UBA1: variants seen among roughly 807,000 people sequenced by gnomAD.
UBA1 encodes ubiquitin-like modifier-activating enzyme 1.
Under a neutral mutation model 84.7 loss-of-function variants are expected in UBA1, and 4 were observed. That is an observed-to-expected ratio of 0.05 (90% CI 0.02 to 0.11). The LOEUF (loss-of-function observed/expected upper bound fraction) is 0.11, where lower values mean the gene tolerates loss of function less well. Among genes scored for constraint, UBA1 ranks in the 10% least tolerant of loss-of-function variants. The pLI, the probability that UBA1 is intolerant of heterozygous loss-of-function variation, is 1.00. For synonymous variants in UBA1, 364 were observed against 362.6 expected, an observed-to-expected ratio of 1.00 and a Z score of -0.04; for missense variants, 513 against 902.8, an observed-to-expected ratio of 0.57 and a Z score of 5.53.
rs1556788510 is a variant in UBA1, at chrX:47,202,393, T to C, written c.945T>C (p.Phe315=). The C allele has an allele frequency of 1.7e-6, 2 of 1,211,201 alleles. No homozygotes were observed. Among genetic ancestry groups the C allele is most frequent in the East Asian group, 3.0e-5 (1 of 33,805 alleles). Residue 315 remains phenylalanine (F), a synonymous_variant, in exon 10 of 26, where the codon TTT becomes TTC. Coordinates refer to ENST00000335972, the MANE Select transcript of UBA1 (RefSeq NM_003334.4). ...TGGCCTCACTGGCAGAACCTGACTT[T>C]GTGGTGACGGACTTCGCCAAGTTTT... ...SLVASLAEPD[F]VVTDFAKFSR...
At position 47,214,814 on chromosome X, in the gene UBA1, G is replaced by A. The variant is rs376319955; in HGVS notation, c.3062G>A (p.Arg1021His). ...CCCAGGATGACAGAGATTGTGAGCC[G>A]TGTGTCGAAGCGAAAGCTGGGCCGC... is the stretch of plus-strand genomic sequence containing the variant. ...LDQPMTEIVS[R>H]VSKRKLGRHV... Residue 1021 changes from arginine (R) to histidine (H), a missense_variant, in exon 26 of 26, where the codon CGT (arginine) becomes CAT (histidine). Arg to His is a conservative substitution (Grantham distance 29). This residue lies in a region of UBA1 where 151 missense variants were observed against 260.1 expected (regional missense o/e 0.58). Transcript: ENST00000335972. 4.1e-6 allele frequency: 5 copies of A among 1,209,925 alleles called. No homozygotes were observed. In the African/African-American group the frequency reaches 8.7e-5, roughly 21 times the overall value.
At chrX:47,211,877 A>G (rs1556793564) in intron 20 of UBA1, among the ~76,000 whole-genome samples, 1 of 107,635 alleles carries the variant, frequency 9.3e-6, no homozygotes, top group East Asian at 3.0e-4. Context: ...ATGTCTTCCA[A>G]TCTTTCCTTC....
At position 47,214,805 on chromosome X, in the gene UBA1, T is replaced by C. The variant is rs1556794723; in HGVS notation, c.3053T>C (p.Ile1018Thr). 1 of 1,211,252 alleles carries C rather than the reference T, an allele frequency of 8.3e-7. No homozygotes were observed. The highest frequency in any genetic ancestry group is 2.2e-5 in the Admixed American group (1 of 46,097). Residue 1018 changes from isoleucine to threonine, a missense_variant, in exon 26 of 26, where the codon ATT becomes ACT. Ile to Thr is a moderately conservative substitution (Grantham distance 89, BLOSUM62 -1). This residue lies in a region of UBA1 where 151 missense variants were observed against 260.1 expected (regional missense o/e 0.58). Transcript: ENST00000335972. Reference protein sequence around the residue: ...KERLDQPMTEIVSRVSKRKLG... With the variant: ...KERLDQPMTETVSRVSKRKLG... ...CCCCCTATCCCCAGGATGACAGAGA[T>C]TGTGAGCCGTGTGTCGAAGCGAAAG...
At chrX:47,211,777 C>T (rs1185263706) in intron 20 of UBA1, among the ~76,000 whole-genome samples, 1 of 107,680 alleles carries the variant, frequency 9.3e-6, no homozygotes, top group African/African-American at 3.4e-5. Flanking sequence ...ATATCTCCCC[C>T]GTCTTCCTCT....
intron 14 of UBA1, chrX:47,205,314 G>T (rs1379380080): frequency 3.5e-6 from 1 of 288,495 alleles, no homozygotes; most frequent in African/African-American, 2.7e-5. Context: ...TCCTGGTGGT[G>T]GTTGGGGGAG....
Position 47,194,050 on chromosome X carries a change from C to T in UBA1, c.-1+26C>T, listed in dbSNP as rs1936110426. ...GTAAAAAAACGTCCTTTCACTGCGCCTCGCCCTGGGCAGGGGTTTCGGGGA... is the reference window on the plus strand; with the variant it reads ...GTAAAAAAACGTCCTTTCACTGCGCTTCGCCCTGGGCAGGGGTTTCGGGGA... On this transcript the variant is annotated intron_variant, in intron 1 of 25. Coordinates refer to ENST00000335972, the MANE Select transcript of UBA1 (RefSeq NM_003334.4). 3 of 112,324 alleles carry T rather than the reference C, an allele frequency of 2.7e-5. No homozygotes were observed. In the East Asian group the frequency reaches 8.4e-4, roughly 32 times the overall value. The allele number at this position is 112,324 out of a possible 1,213,427, so 9.3% of individuals were successfully genotyped here.
chrX:47,211,319 G>A (rs1556793364), intron 20 of UBA1, 94 bp downstream of exon 20: 1 of 993,255 alleles, frequency 1.0e-6, no homozygotes, highest in African/African-American at 1.9e-5. Flanking sequence ...GTTCTGCTCT[G>A]CTCTGTGACC....
At chrX:47,210,815 G>C (rs1305480920) in intron 18 of UBA1, 27 bp from the exon 19 acceptor site, 7 of 1,202,233 alleles carry the variant, frequency 5.8e-6, no homozygotes, top group Non-Finnish European at 7.9e-6. Flanking sequence ...CTCAGGTCCT[G>C]TTCTCAAAAA....
intron 3 of UBA1, 23 bp from the exon 4 acceptor site, chrX:47,199,186 T>C (rs1295463786): frequency 1.7e-6 from 2 of 1,210,875 alleles, no homozygotes; most frequent in Non-Finnish European, 2.2e-6. Flanking sequence ...GGCCCTGACC[T>C]AGAGTACCCC....
chrX:47,201,081 T>A (rs1556787788), intron 6 of UBA1, 81 bp downstream of exon 6: 1 of 932,673 alleles, frequency 1.1e-6, no homozygotes, highest in African/African-American at 1.9e-5. Context: ...AGGCTCTCCC[T>A]GCCCTCATCC....
rs1556788475 is a variant in UBA1, at chrX:47,202,341, C to T, written c.910-17C>T. The T allele has an allele frequency of 1.7e-6, 2 of 1,207,032 alleles. No individual in the cohort carries two copies. The highest frequency in any genetic ancestry group is 3.0e-5 in the East Asian group (1 of 33,644). On this transcript the variant is annotated splice_polypyrimidine_tract_variant and intron_variant, in intron 9 of 25. Transcript: ENST00000335972. ...ATTCCTCTCTTCTGGTTCTGATGAC[C>T]TCTCCCCCCGCCACAGAAATCCTTG...
At chrX:47,212,893 C>G (rs1936983500) in intron 22 of UBA1, 30 bp downstream of exon 22, 1 of 1,207,173 alleles carries the variant, frequency 8.3e-7, no homozygotes, top group African/African-American at 1.7e-5. Context: ...GATGTTCCAC[C>G]CTCCTCCAGG....
chrX:47,209,051 G>A (rs1358165439), intron 16 of UBA1: 6 of 121,824 alleles, frequency 4.9e-5, no homozygotes, highest in Admixed American at 2.6e-4. Context: ...TGATTGCATC[G>A]CTGCACTCCA....
At chrX:47,212,961 C>T (rs782142490) in intron 22 of UBA1, 29 bp from the exon 23 acceptor site, 3 of 1,211,385 alleles carry the variant, frequency 2.5e-6, no homozygotes, top group Admixed American at 4.3e-5. Flanking sequence ...ACTTAACTAC[C>T]ACCTTCTTTT....
intron 1 of UBA1, among the ~76,000 whole-genome samples, chrX:47,194,603 C>A (rs1297435883): frequency 9.0e-6 from 1 of 111,695 alleles, no homozygotes; most frequent in Non-Finnish European, 1.9e-5. Flanking sequence ...GGTACTAGAC[C>A]CTGTGAAAGG....
At chrX:47,193,776 T>A (rs1936103719), upstream of UBA1, 1 of 112,079 alleles carries the variant, frequency 8.9e-6, no homozygotes, top group African/African-American at 3.3e-5. Flanking sequence ...TGCATCCGGG[T>A]TTCTGGGGGT....
intron 14 of UBA1, chrX:47,205,429 C>G (rs1311067066): frequency 2.9e-6 from 1 of 341,936 alleles, no homozygotes; most frequent in Admixed American, 3.1e-5. Flanking sequence ...CACAGCTTCC[C>G]TTTATGCTGA....
In UBA1 at chrX:47,214,655, C is replaced by T. The variant is rs1937071965; in HGVS notation, c.3041+18C>T. The T allele has an allele frequency of 8.3e-7, 1 of 1,201,868 alleles. No homozygotes were observed. The highest frequency in any genetic ancestry group is 1.1e-6 in the Non-Finnish European group (1 of 888,993). On this transcript the variant is annotated intron_variant, in intron 25 of 25. Coordinates refer to ENST00000335972, the MANE Select transcript of UBA1 (RefSeq NM_003334.4). ...GATCAGCCGTGAGTTGGACACTGGC[C>T]AGGCTAGGGGAGGCCCTGTATGGGT...
At chrX:47,195,804 C>T (rs905564499) in intron 1 of UBA1, among the ~76,000 whole-genome samples, 1 of 111,075 alleles carries the variant, frequency 9.0e-6, no homozygotes, top group Non-Finnish European at 1.9e-5. Context: ...CATTAGAAAC[C>T]TCTCCCAGCC....
Sources: allele counts gnomAD v4.1 joint callset (sites outside exome capture counted in the v4.1 genomes callset), GRCh38; gene constraint gnomAD v4.1.1; regional missense constraint gnomAD v4.1.1; transcripts MANE v1.5; gene names NCBI Gene and HGNC (gene_info 2026-07-23, HGNC 2026-07-21).